AFF1: variants seen among roughly 807,000 people sequenced by gnomAD.
The protein encoded by AFF1 is AF4/FMR2 family member 1.
A neutral mutation model predicts 121.7 loss-of-function variants in AFF1; 48 were observed. The ratio of observed to expected loss-of-function variants is 0.39; its 90% CI spans 0.31 to 0.50. The LOEUF is 0.50. Ranked by LOEUF, AFF1 falls within the 20% of genes least tolerant of loss-of-function variation. The pLI is 0.76. For missense variants in AFF1, 1,523 were observed against 1,511.7 expected, an observed-to-expected ratio of 1.01 and a Z score of -0.12; for synonymous variants, 613 against 563.0, an observed-to-expected ratio of 1.09 and a Z score of -1.26.
intron 2 of AFF1, among the ~76,000 whole-genome samples, chr4:86,952,687 CTTTTT>C (rs35008076): frequency 8.1e-6 from 1 of 122,988 alleles, no homozygotes; most frequent in Non-Finnish European, 1.7e-5. Context: ...AAAAACACAA[CTTTTT>C]TTTTTTTTTT....
At chr4:87,094,687 G>A (rs947062563) in intron 7 of AFF1, among the ~76,000 whole-genome samples, 2 of 152,234 alleles carry the variant, frequency 1.3e-5, no homozygotes, top group African/African-American at 4.8e-5. Flanking sequence ...GTCATAGGTA[G>A]GGTATGCTGC....
At chr4:86,962,204 G>A (rs1053094044) in intron 2 of AFF1, among the ~76,000 whole-genome samples, 7 of 145,856 alleles carry the variant, frequency 4.8e-5, no homozygotes, top group African/African-American at 7.7e-5. Context: ...TGACTCTGGT[G>A]AGTAGAACAC....
At chr4:86,996,449 A>C (rs367903854) in intron 2 of AFF1, among the ~76,000 whole-genome samples, 1 of 151,794 alleles carries the variant, frequency 6.6e-6, no homozygotes, top group Non-Finnish European at 1.5e-5. Context: ...TCTCTGAAAC[A>C]TGTGCTGTAT....
chr4:87,046,868 C>T lies in AFF1; in HGVS notation c.333C>T (p.Ser111=), dbSNP rs777019743. 4 of 1,614,072 alleles carry T rather than the reference C, an allele frequency of 2.5e-6. No homozygotes were observed. In the African/African-American group the frequency reaches 4.0e-5, roughly 16 times the overall value. Residue 111 remains serine, a synonymous_variant, in exon 4 of 21, where the codon TCC becomes TCT. Coordinates refer to ENST00000395146, the MANE Select transcript of AFF1 (RefSeq NM_001166693.3). ...LIPDKGSSIP[S]SSFHTSVHHQ... is the part of the protein sequence containing the mutation. ...CTGACAAAGGGAGCAGCATTCCATCCAGCTCCTTCCACACTAGTGTCCACC... is the reference window on the plus strand; with the variant it reads ...CTGACAAAGGGAGCAGCATTCCATCTAGCTCCTTCCACACTAGTGTCCACC...
At chr4:87,085,248 T>C (rs1355829209) in intron 5 of AFF1, among the ~76,000 whole-genome samples, 2 of 152,186 alleles carry the variant, frequency 1.3e-5, no homozygotes, top group East Asian at 3.9e-4. Context: ...AGAAGAATTA[T>C]ATATAATGTT....
chr4:86,996,671 C>G (rs991620367), intron 2 of AFF1, among the ~76,000 whole-genome samples: 1 of 152,042 alleles, frequency 6.6e-6, no homozygotes, highest in African/African-American at 2.4e-5. Context: ...CACTATTGTC[C>G]TGTGACCCTG....
At chr4:87,011,078 C>CA (rs10715968) in intron 2 of AFF1, among the ~76,000 whole-genome samples, 1,151 of 70,694 alleles carry the variant, frequency 0.016, 14 homozygotes, top group South Asian at 0.026. Flanking sequence ...GACTCCGTCT[C>CA]AAAAAAAAAA....
intron 2 of AFF1, among the ~76,000 whole-genome samples, chr4:86,950,724 A>C (rs192111252): frequency 3.9e-5 from 6 of 152,272 alleles, no homozygotes; most frequent in Admixed American, 1.3e-4. Context: ...CCCCTCACCA[A>C]AGGGAAGACA....
At chr4:87,073,529 A>G (rs1445435110) in intron 4 of AFF1, among the ~76,000 whole-genome samples, 2 of 152,092 alleles carry the variant, frequency 1.3e-5, no homozygotes, top group Non-Finnish European at 2.9e-5. Flanking sequence ...TTTTTAAATA[A>G]CGATGCCAGG....
At chr4:87,124,845 T>G (rs1728065034) in intron 12 of AFF1, among the ~76,000 whole-genome samples, 192 bp from the exon 13 acceptor site, 1 of 152,192 alleles carries the variant, frequency 6.6e-6, no homozygotes, top group Non-Finnish European at 1.5e-5. Context: ...ATATCAAATC[T>G]ACATTGTCCC....
intron 4 of AFF1, among the ~76,000 whole-genome samples, chr4:87,051,630 T>C (rs1731268501): frequency 6.6e-6 from 1 of 151,890 alleles, no homozygotes; most frequent in South Asian, 2.1e-4. Context: ...CCGGCTAATT[T>C]TTTGTGTATA....
At chr4:86,972,132 A>C (rs931860432) in intron 2 of AFF1, among the ~76,000 whole-genome samples, 31 of 12,722 alleles carry the variant, frequency 2.4e-3, no homozygotes, top group African/African-American at 0.014. Flanking sequence ...AGCTTGTCTC[A>C]AAAAAAAAAA....
chr4:87,024,058 G>A (rs1321539315), intron 2 of AFF1, among the ~76,000 whole-genome samples: 1 of 152,146 alleles, frequency 6.6e-6, no homozygotes, highest in Non-Finnish European at 1.5e-5. Context: ...TCTGATCTCT[G>A]AACCAGGAAC....
At chr4:87,072,885 T>C (rs940699388) in intron 4 of AFF1, among the ~76,000 whole-genome samples, 10 of 152,230 alleles carry the variant, frequency 6.6e-5, no homozygotes, top group African/African-American at 2.4e-4. Context: ...TGGAGTCTTA[T>C]TTTCAAACTT....
chr4:86,976,954 A>G (rs1723348603), intron 2 of AFF1, among the ~76,000 whole-genome samples: 1 of 152,224 alleles, frequency 6.6e-6, no homozygotes. Flanking sequence ...TACTTAGGAA[A>G]TTCTTGGAAC....
chr4:87,115,298 A>G lies in AFF1; in HGVS notation c.2465A>G (p.Lys822Arg). 1.3e-6 allele frequency: 2 copies of G among 1,589,654 alleles called. No individual in the cohort carries two copies. Among genetic ancestry groups the G allele is most frequent in the South Asian group, 1.1e-5 (1 of 88,660 alleles). Residue 822 changes from lysine to arginine, a missense_variant and splice_region_variant, in exon 12 of 21, where the codon AAG becomes AGG. This residue lies in a region of AFF1 where 905 missense variants were observed against 842.5 expected (regional missense o/e 1.07). Transcript: ENST00000395146. ...DSSSKLAKKR[K>R]GEAERDCDNK... ...TCAAGCAAGTTGGCCAAAAAGAGAA[A>G]GGTGAGTGTGGGGAGACTGCCCTGA...
intron 4 of AFF1, among the ~76,000 whole-genome samples, chr4:87,069,944 C>T (rs944710736): frequency 6.6e-6 from 1 of 151,790 alleles, no homozygotes; most frequent in Non-Finnish European, 1.5e-5. Context: ...CCTCAGCCTC[C>T]TGAGTAGCTG....
At chr4:87,043,847 C>T (rs913348805) in intron 2 of AFF1, among the ~76,000 whole-genome samples, 3 of 150,992 alleles carry the variant, frequency 2.0e-5, no homozygotes, top group Admixed American at 1.3e-4. Flanking sequence ...GAGACGGAGT[C>T]TCGCGCTGTT....
At chr4:87,050,512 T>C (rs1020564678) in intron 4 of AFF1, among the ~76,000 whole-genome samples, 2 of 152,238 alleles carry the variant, frequency 1.3e-5, no homozygotes, top group African/African-American at 4.8e-5. Context: ...TCCTTTCCTT[T>C]CACCTCATGG....
Sources: gnomAD v4.1 joint callset for allele counts (sites outside exome capture counted in the v4.1 genomes callset) on GRCh38, gnomAD v4.1.1 for gene constraint, gnomAD v4.1.1 regional missense constraint, MANE v1.5 for transcripts, NCBI Gene and HGNC (gene_info 2026-07-23, HGNC 2026-07-21) for gene names.